Variants in LRRC7 observed in about 807,000 individuals in gnomAD.
LRRC7 encodes leucine rich repeat containing 7.
Under a neutral mutation model 175.7 loss-of-function variants are expected in LRRC7, and 23 were observed. That is an observed-to-expected ratio of 0.13 (90% confidence interval 0.09 to 0.19). LRRC7 has a LOEUF of 0.19. Among genes scored for constraint, LRRC7 ranks in the 10% least tolerant of loss-of-function variants. LRRC7 has a pLI of 1.00. For synonymous variants in LRRC7, 685 were observed against 680.9 expected, an observed-to-expected ratio of 1.01 and a Z score of -0.09; for missense variants, 1,354 against 1,904.7, an observed-to-expected ratio of 0.71 and a Z score of 5.38.
intron 23 of LRRC7, among the ~76,000 whole-genome samples, chr1:70,066,327 CAAAGCAAGGAATA>C (rs547274866): frequency 1.3e-5 from 2 of 152,032 alleles, no homozygotes; most frequent in South Asian, 4.1e-4. Context: ...TAAAAAGTGA[CAAAGCAAGGAATA>C]AAACTCAGGT....
intron 1 of LRRC7, among the ~76,000 whole-genome samples, chr1:69,579,121 A>G (rs1352218763): frequency 2.0e-5 from 3 of 152,102 alleles, no homozygotes; most frequent in African/African-American, 7.2e-5. Flanking sequence ...GGGTGTCAAG[A>G]GTTGTAATTT....
chr1:69,850,693 G>A (rs1284494245), intron 7 of LRRC7, among the ~76,000 whole-genome samples: 1 of 152,002 alleles, frequency 6.6e-6, no homozygotes, highest in Non-Finnish European at 1.5e-5. Context: ...CCAAATTTTG[G>A]GTTTAACTAA....
chr1:70,015,730 T>G (rs1656907978), intron 13 of LRRC7, among the ~76,000 whole-genome samples: 1 of 152,158 alleles, frequency 6.6e-6, no homozygotes, highest in African/African-American at 2.4e-5. Context: ...TAATATCAAG[T>G]TATACATCTT....
At chr1:69,631,348 C>T (rs1216068051) in intron 1 of LRRC7, among the ~76,000 whole-genome samples, 1 of 152,054 alleles carries the variant, frequency 6.6e-6, no homozygotes, top group Non-Finnish European at 1.5e-5. Context: ...TTTCTGACTA[C>T]TACTCAGTCT....
intron 2 of LRRC7, among the ~76,000 whole-genome samples, chr1:69,741,294 A>G (rs1668682709): frequency 6.6e-6 from 1 of 151,998 alleles, no homozygotes; most frequent in African/African-American, 2.4e-5. Flanking sequence ...TATACTATCC[A>G]TTGTTTATCT....
At position 69,747,432 on chromosome 1, in the gene LRRC7, T is replaced by C. The variant is rs971385355; in HGVS notation, c.101-12759T>C. 2.0e-5 allele frequency among the ~76,000 whole-genome samples: 3 copies of C among 152,116 alleles called. No individual in the cohort carries two copies. The East Asian group carries it at 5.8e-4, about 29-fold the overall frequency. On this transcript the variant is annotated intron_variant, in intron 2 of 26. Transcript: ENST00000651989. ...GGCTTGTATGTCCAGCTCAGCAGTATGTAATTATAGTGAAGATAGCAGAGA... is the reference window on the plus strand; with the variant it reads ...GGCTTGTATGTCCAGCTCAGCAGTACGTAATTATAGTGAAGATAGCAGAGA...
At chr1:69,943,127 A>G (rs1570749318) in intron 8 of LRRC7, among the ~76,000 whole-genome samples, 5 of 152,308 alleles carry the variant, frequency 3.3e-5, no homozygotes, top group Admixed American at 3.3e-4. Flanking sequence ...TGAAAATGCT[A>G]TGTTCACACA....
intron 7 of LRRC7, among the ~76,000 whole-genome samples, chr1:69,858,751 G>C (rs1482603472): frequency 3.9e-5 from 6 of 152,014 alleles, no homozygotes; most frequent in Non-Finnish European, 8.8e-5. Context: ...TAAGATATTT[G>C]CTCTAAAATG....
chr1:69,996,703 A>G (rs1418484744), intron 11 of LRRC7, among the ~76,000 whole-genome samples: 5 of 152,056 alleles, frequency 3.3e-5, no homozygotes, highest in African/African-American at 9.7e-5. Flanking sequence ...AAGATCAGAT[A>G]GTTGTAGATA....
chr1:69,712,063 A>C (rs974933934), intron 2 of LRRC7, among the ~76,000 whole-genome samples: 13 of 152,188 alleles, frequency 8.5e-5, no homozygotes, highest in Non-Finnish European at 1.8e-4. Context: ...CAGAAATGCC[A>C]CTAAAAAGAG....
intron 7 of LRRC7, among the ~76,000 whole-genome samples, chr1:69,866,037 T>C (rs1411191490): frequency 6.6e-6 from 1 of 152,198 alleles, no homozygotes; most frequent in African/African-American, 2.4e-5. Flanking sequence ...AGATGAAACA[T>C]TCTCAAATGG....
rs185006918 is a variant in LRRC7 at position 69,919,191 on chromosome 1, G to C, written c.648-12316G>C. 339 of 255,458 alleles carry C rather than the reference G, an allele frequency of 1.3e-3. 1 individual carries two copies. The highest frequency in any genetic ancestry group is 7.3e-3 in the Middle Eastern group (6 of 822). The allele number at this position is 255,458 out of a possible 1,614,324, so 15.8% of individuals were successfully genotyped here. A position where few individuals can be genotyped will look rare whatever the true frequency, so the allele number is the denominator to read the frequency against. On this transcript the variant is annotated intron_variant, in intron 7 of 26. Transcript: ENST00000651989. Reference sequence around the variant, plus strand: ...AACTGCCACCAGGCCCTCAGAGATAGGAAATGTTTCAGGCTCTGCAGTCCA... The same window carrying C: ...AACTGCCACCAGGCCCTCAGAGATACGAAATGTTTCAGGCTCTGCAGTCCA...
intron 8 of LRRC7, among the ~76,000 whole-genome samples, chr1:69,969,666 C>A (rs1652025907): frequency 6.6e-6 from 1 of 152,188 alleles, no homozygotes; most frequent in Non-Finnish European, 1.5e-5. Flanking sequence ...AGATAAACAG[C>A]AACACAATAA....
intron 7 of LRRC7, among the ~76,000 whole-genome samples, chr1:69,881,788 G>A (rs1387123340): frequency 1.3e-5 from 2 of 151,488 alleles, no homozygotes; most frequent in Non-Finnish European, 2.9e-5. Flanking sequence ...GCTGAGGTGG[G>A]AGGATCACTG....
intron 26 of LRRC7, among the ~76,000 whole-genome samples, chr1:70,108,869 A>G (rs943240513): frequency 4.6e-5 from 7 of 152,234 alleles, no homozygotes; most frequent in Non-Finnish European, 1.0e-4. Flanking sequence ...GAGATCTTCT[A>G]TCTCCAATGT....
At position 70,143,337 on chromosome 1, in the gene LRRC7, T is replaced by A. The variant is rs1453873981; in HGVS notation, c.*21450T>A. ...GGATCTGATTTCAAAGAAATCCCAT[T>A]ATATTATCAAGTCGTTTTCAAATTT... On this transcript the variant is annotated 3_prime_UTR_variant, in exon 27 of 27. Transcript: ENST00000651989. The A allele has an allele frequency of 6.6e-6, 1 of 152,106 alleles. No individual in the cohort carries two copies. The highest frequency in any genetic ancestry group is 1.5e-5 in the Non-Finnish European group (1 of 68,018). The allele number at this position is 152,106 out of a possible 1,614,324, so 9.4% of individuals were successfully genotyped here.
intron 8 of LRRC7, among the ~76,000 whole-genome samples, chr1:69,954,229 A>G (rs1453735876): frequency 6.6e-6 from 1 of 151,976 alleles, no homozygotes; most frequent in Admixed American, 6.6e-5. Context: ...GACATAATCA[A>G]AGGAAAAGGG....
chr1:69,757,554 C>A (rs1042092238), intron 2 of LRRC7, among the ~76,000 whole-genome samples: 1 of 151,848 alleles, frequency 6.6e-6, no homozygotes, highest in Non-Finnish European at 1.5e-5. Flanking sequence ...CAAAAGATGA[C>A]TAGAAGAGTT....
intron 7 of LRRC7, among the ~76,000 whole-genome samples, chr1:69,879,212 TAAAAAAAAAAA>T (rs201332183): frequency 0.069 from 6,382 of 92,036 alleles, 242 homozygotes; most frequent in South Asian, 0.12. Flanking sequence ...AAAACTGCTT[TAAAAAAAAAAA>T]AAAAAAAAAA....
Sources: allele counts gnomAD v4.1 joint callset (sites outside exome capture counted in the v4.1 genomes callset), GRCh38; gene constraint gnomAD v4.1.1; transcripts MANE v1.5; gene names NCBI Gene and HGNC (gene_info 2026-07-23, HGNC 2026-07-21).